WDPCP: variants seen among roughly 807,000 people sequenced by gnomAD.
The protein encoded by WDPCP is WD repeat containing planar cell polarity effector.
Under a neutral mutation model 93.1 loss-of-function variants are expected in WDPCP, and 71 were observed. The ratio of observed to expected loss-of-function variants is 0.76; its 90% CI spans 0.63 to 0.93. The LOEUF is 0.93. WDPCP is among the 40% of genes least tolerant of loss of function. The probability of loss-of-function intolerance (pLI) is 0.00; values close to 1 mark genes in which losing one functional copy is unlikely to be tolerated. For missense variants in WDPCP, 844 were observed against 887.4 expected (o/e 0.95, Z 0.62); for synonymous variants, 315 against 315.0 (o/e 1.00, Z 0.00).
At chr2:63,380,544 T>C (rs979770071) in intron 11 of WDPCP, among the ~76,000 whole-genome samples, 4 of 152,104 alleles carry the variant, frequency 2.6e-5, no homozygotes, top group East Asian at 1.9e-4. Flanking sequence ...CTGGGCAACA[T>C]AGTGAAATCC....
intron 10 of WDPCP, among the ~76,000 whole-genome samples, chr2:63,386,994 T>C (rs1204719590): frequency 6.6e-6 from 1 of 151,984 alleles, no homozygotes; most frequent in Non-Finnish European, 1.5e-5. Flanking sequence ...GAATCACTAA[T>C]AAAAAGCCTA....
chr2:63,602,650 C>T (rs1022505629), intron 3 of WDPCP, among the ~76,000 whole-genome samples: 1 of 152,058 alleles, frequency 6.6e-6, no homozygotes, highest in African/African-American at 2.4e-5. Context: ...AGAATTTCTT[C>T]ATCACTCACA....
Position 63,437,441 on chromosome 2 carries a change from GT to G in WDPCP, c.612del (p.Lys204AsnfsTer18). 6.2e-7 allele frequency: 1 copy of G among 1,602,646 alleles called. No individual in the cohort carries two copies. The highest frequency in any genetic ancestry group is 8.5e-7 in the Non-Finnish European group (1 of 1,174,036). On this transcript the variant is annotated frameshift_variant, in exon 8 of 18. Coordinates refer to ENST00000272321, the MANE Select transcript of WDPCP (RefSeq NM_015910.7). LOFTEE classifies it high-confidence loss of function. ...TCTACCTTATAATCCAAGGCTGAGA[GT>G]TTTTCCAGTCTTTTGTTTACATCAG... ...ESSDVNKRLEKLSALDYKIFY... is the reference protein window; with the variant it reads ...ESSDVNKRLEXLSALDYKIFY...
At chr2:63,589,244 T>C (rs977525408), upstream of WDPCP, 19 of 1,554,246 alleles carry the variant, frequency 1.2e-5, no homozygotes, top group Non-Finnish European at 1.6e-5. Context: ...TTGCGGGGTA[T>C]GGGGCGCTCT....
intron 2 of WDPCP, among the ~76,000 whole-genome samples, chr2:63,789,741 C>A (rs1042781819): frequency 6.6e-6 from 1 of 152,144 alleles, no homozygotes; most frequent in African/African-American, 2.4e-5. Context: ...AAAGAGTATG[C>A]AAATTAGTTT....
intron 2 of WDPCP, among the ~76,000 whole-genome samples, chr2:63,720,680 C>T (rs530654566): frequency 6.6e-6 from 1 of 152,254 alleles, no homozygotes; most frequent in African/African-American, 2.4e-5. Context: ...AAAAGCTGAA[C>T]TTCTGAACAC....
At chr2:63,213,892 T>A (rs1344385866) in intron 14 of WDPCP, among the ~76,000 whole-genome samples, 6 of 152,004 alleles carry the variant, frequency 3.9e-5, no homozygotes, top group Admixed American at 3.9e-4. Flanking sequence ...TAAATTCCTG[T>A]ACACATACAC....
At chr2:63,794,045 T>C (rs1308260634) in intron 2 of WDPCP, among the ~76,000 whole-genome samples, 2 of 152,146 alleles carry the variant, frequency 1.3e-5, no homozygotes, top group African/African-American at 2.4e-5. Context: ...AGGTGAAAGA[T>C]GTTAGATACT....
chr2:63,484,749 A>C lies in WDPCP; in HGVS notation c.325-86T>G, dbSNP rs1700465593. 6 of 1,563,334 alleles carry C rather than the reference A, an allele frequency of 3.8e-6. No homozygotes were observed. The East Asian group carries it at 9.1e-5, about 24-fold the overall frequency. On this transcript the variant is annotated intron_variant, in intron 5 of 17. Coordinates refer to ENST00000272321, the MANE Select transcript of WDPCP (RefSeq NM_015910.7). ...AAGTGCCTCTGATTTGCAAGCAAAA[A>C]AAGATCAACATGCCACACAAAGATC...
At chr2:63,714,422 A>G (rs977925235) in intron 2 of WDPCP, among the ~76,000 whole-genome samples, 1 of 152,102 alleles carries the variant, frequency 6.6e-6, no homozygotes, top group Non-Finnish European at 1.5e-5. Flanking sequence ...TACCTCCCTT[A>G]TAAGATAAGT....
intron 2 of WDPCP, among the ~76,000 whole-genome samples, chr2:63,710,069 T>G: frequency 6.6e-6 from 1 of 152,212 alleles, no homozygotes; most frequent in Non-Finnish European, 1.5e-5. Flanking sequence ...AGGTAACTTC[T>G]TTTGCCCCTC....
intron 6 of WDPCP, chr2:63,442,313 A>G (rs1439025812): frequency 6.6e-6 from 1 of 152,212 alleles, no homozygotes; most frequent in Non-Finnish European, 1.5e-5. Flanking sequence ...TGAGGATTAA[A>G]TAACTTTTTA....
intron 12 of WDPCP, among the ~76,000 whole-genome samples, chr2:63,350,373 G>A (rs1402418087): frequency 6.6e-6 from 1 of 151,810 alleles, no homozygotes; most frequent in Non-Finnish European, 1.5e-5. Flanking sequence ...AAACCAGCAT[G>A]GCACATGTAT....
rs572119404 is a variant in WDPCP at position 63,552,589 on chromosome 2, G to A, written c.75+35608C>T. 1.1e-4 allele frequency among the ~76,000 whole-genome samples: 17 copies of A among 152,164 alleles called. 1 individual carries two copies. Among genetic ancestry groups the A allele is most frequent in the African/African-American group, 3.6e-4 (15 of 41,522 alleles). ...TGGGTTTGTTATATGGGTATATTGC[G>A]TGATGCTGGGTATCTCTTCTTTTAG... On this transcript the variant is annotated intron_variant, in intron 1 of 17. Coordinates refer to ENST00000272321, the MANE Select transcript of WDPCP (RefSeq NM_015910.7).
chr2:63,272,128 T>C (rs1682711117), intron 13 of WDPCP, among the ~76,000 whole-genome samples: 1 of 152,136 alleles, frequency 6.6e-6, no homozygotes, highest in African/African-American at 2.4e-5. Flanking sequence ...ACCACCACTA[T>C]TGCTGCCTGA....
chr2:63,434,035 G>C, intron 8 of WDPCP, 99 bp from the exon 9 acceptor site: 2 of 1,249,580 alleles, frequency 1.6e-6, no homozygotes, highest in South Asian at 2.6e-5. Context: ...GTAGTTACAT[G>C]CAAGTAAATA....
At chr2:63,194,734 T>C (rs1030946106) in intron 14 of WDPCP, among the ~76,000 whole-genome samples, 9 of 152,276 alleles carry the variant, frequency 5.9e-5, no homozygotes, top group African/African-American at 1.4e-4. Flanking sequence ...GATTGATACA[T>C]TGAGTTTCAG....
rs192562082 is a variant in WDPCP, at chr2:63,400,395, G to A, written c.1435+3653C>T. Among the ~76,000 whole-genome samples the A allele has an allele frequency of 1.1e-3, 169 of 152,146 alleles. 1 individual carries two copies. Among genetic ancestry groups the A allele is most frequent in the South Asian group, 5.0e-3 (24 of 4,816 alleles). On this transcript the variant is annotated intron_variant, in intron 10 of 17. Transcript: ENST00000272321. ...TAGGCAAAGATTTCATGACAAGGAC[G>A]CCAAAAGCAATTGCAACAAAAGAAA... is the stretch of plus-strand genomic sequence containing the variant.
intron 2 of WDPCP, among the ~76,000 whole-genome samples, chr2:63,709,466 G>C (rs1207305019): frequency 6.6e-6 from 1 of 152,056 alleles, no homozygotes; most frequent in African/African-American, 2.4e-5. Context: ...GGGTGGTATT[G>C]GATTACGCTA....
Sources: gnomAD v4.1 joint callset for allele counts (sites outside exome capture counted in the v4.1 genomes callset) on GRCh38, gnomAD v4.1.1 for gene constraint, MANE v1.5 for transcripts, NCBI Gene and HGNC (gene_info 2026-07-23, HGNC 2026-07-21) for gene names.